ZNF385D: variants seen among roughly 807,000 people sequenced by gnomAD.
ZNF385D encodes the protein zinc finger protein 385D, also known as zinc finger protein 659.
ZNF385D carries 15 observed loss-of-function variants against 35.8 expected under a neutral mutation model. That is an observed-to-expected ratio of 0.42 (90% CI 0.28 to 0.64). The LOEUF (loss-of-function observed/expected upper bound fraction) is 0.64. Ranked by LOEUF, ZNF385D falls within the 30% of genes least tolerant of loss-of-function variation. ZNF385D has a pLI of 0.23. For missense variants in ZNF385D, 474 were observed against 494.6 expected (o/e 0.96, Z 0.39); for synonymous variants, 212 against 186.8 (o/e 1.13, Z -1.10).
At chr3:22,076,429 T>C (rs1484195113) in intron 3 of ZNF385D, among the ~76,000 whole-genome samples, 1 of 151,920 alleles carries the variant, frequency 6.6e-6, no homozygotes, top group Non-Finnish European at 1.5e-5. Context: ...CCCCACATCC[T>C]ATTTTTTAAT....
intron 3 of ZNF385D, among the ~76,000 whole-genome samples, chr3:22,079,770 G>C (rs568975787): frequency 1.0e-3 from 152 of 151,976 alleles, no homozygotes; most frequent in Middle Eastern, 3.4e-3. Flanking sequence ...ATAGCAAATA[G>C]TATATCTAAT....
intron 2 of ZNF385D, among the ~76,000 whole-genome samples, chr3:22,252,505 C>T (rs1417646066): frequency 6.6e-6 from 1 of 151,976 alleles, no homozygotes; most frequent in Non-Finnish European, 1.5e-5. Flanking sequence ...GAGCAGAGTT[C>T]ATGGGAGCAA....
chr3:21,648,089 G>T (rs922721788), intron 2 of ZNF385D, among the ~76,000 whole-genome samples: 1 of 152,102 alleles, frequency 6.6e-6, no homozygotes, highest in Non-Finnish European at 1.5e-5. Flanking sequence ...ATATGGTTTG[G>T]CTGTGTCCCC....
intron 2 of ZNF385D, among the ~76,000 whole-genome samples, chr3:21,576,791 G>C (rs1184451883): frequency 6.6e-6 from 1 of 152,128 alleles, no homozygotes; most frequent in African/African-American, 2.4e-5. Flanking sequence ...TGAGAAAAAA[G>C]AAAGGGAAGA....
At chr3:22,144,726 G>A (rs1407240799) in intron 3 of ZNF385D, among the ~76,000 whole-genome samples, 1 of 151,586 alleles carries the variant, frequency 6.6e-6, no homozygotes, top group African/African-American at 2.4e-5. Context: ...ATTATTATGT[G>A]TACAATTATT....
intron 1 of ZNF385D, among the ~76,000 whole-genome samples, chr3:21,733,795 A>G (rs576339128): frequency 1.3e-5 from 2 of 152,212 alleles, no homozygotes; most frequent in Non-Finnish European, 1.5e-5. Context: ...CACTTTACTT[A>G]TTTGTCTAAA....
chr3:21,738,112 G>T (rs1349827287), intron 1 of ZNF385D, among the ~76,000 whole-genome samples: 1 of 152,236 alleles, frequency 6.6e-6, no homozygotes, highest in African/African-American at 2.4e-5. Context: ...CTGCCAGGGG[G>T]CTGCTTGGCT....
At chr3:22,108,396 A>G (rs1340926464) in intron 3 of ZNF385D, among the ~76,000 whole-genome samples, 2 of 152,046 alleles carry the variant, frequency 1.3e-5, no homozygotes, top group African/African-American at 4.8e-5. Flanking sequence ...CTGTCAAAAC[A>G]CAAAACTTCC....
At chr3:21,715,111 T>G (rs2068263164) in intron 1 of ZNF385D, among the ~76,000 whole-genome samples, 1 of 152,026 alleles carries the variant, frequency 6.6e-6, no homozygotes, top group South Asian at 2.1e-4. Context: ...CTTCTAAAAT[T>G]TATATACATT....
chr3:21,467,220 T>C (rs1703570205), intron 4 of ZNF385D, among the ~76,000 whole-genome samples: 1 of 152,234 alleles, frequency 6.6e-6, no homozygotes, highest in East Asian at 1.9e-4. Flanking sequence ...TGCTTGAACC[T>C]GACTTACTTT....
chr3:21,558,044 T>C (rs1412524825), intron 3 of ZNF385D, among the ~76,000 whole-genome samples: 1 of 152,060 alleles, frequency 6.6e-6, no homozygotes, highest in East Asian at 1.9e-4. Context: ...TTCTCCCTTT[T>C]CTTTATTAGT....
At chr3:21,424,664 TTTC>T (rs1435119144) in intron 6 of ZNF385D, among the ~76,000 whole-genome samples, 2 of 149,034 alleles carry the variant, frequency 1.3e-5, no homozygotes, top group African/African-American at 4.9e-5. Flanking sequence ...TTTCCGAGCT[TTTC>T]TTCTTATCAC....
intron 3 of ZNF385D, among the ~76,000 whole-genome samples, chr3:22,107,423 C>T (rs1286165700): frequency 6.6e-6 from 1 of 151,688 alleles, no homozygotes; most frequent in South Asian, 2.1e-4. Context: ...ATCATTGATA[C>T]ATGGGGAAAA....
chr3:21,704,874 A>T (rs923516845), intron 1 of ZNF385D, among the ~76,000 whole-genome samples: 1 of 152,206 alleles, frequency 6.6e-6, no homozygotes, highest in African/African-American at 2.4e-5. Flanking sequence ...GTAGATACTT[A>T]ATAAGTACTT....
chr3:21,942,105 T>C (rs1216619952), intron 3 of ZNF385D, among the ~76,000 whole-genome samples: 1 of 145,162 alleles, frequency 6.9e-6, no homozygotes, highest in Non-Finnish European at 1.5e-5. Context: ...CAGTAACACT[T>C]TAACTTTATG....
intron 3 of ZNF385D, among the ~76,000 whole-genome samples, chr3:21,784,068 C>G (rs1483706174): frequency 3.3e-5 from 5 of 152,122 alleles, no homozygotes; most frequent in Non-Finnish European, 1.5e-5. Context: ...CAGGTTCTCT[C>G]ACACACGTGC....
chr3:21,512,879 C>G (rs1707312075), intron 3 of ZNF385D, among the ~76,000 whole-genome samples: 1 of 152,130 alleles, frequency 6.6e-6, no homozygotes, highest in Admixed American at 6.6e-5. Context: ...CACAGGATCA[C>G]AGGTCATCTT....
chr3:21,989,623 T>A (rs1335469442), intron 3 of ZNF385D, among the ~76,000 whole-genome samples: 1 of 152,138 alleles, frequency 6.6e-6, no homozygotes, highest in East Asian at 1.9e-4. Flanking sequence ...ATTCTTATCC[T>A]TGGAAACACT....
At chr3:22,243,807 G>A (rs916795776) in intron 2 of ZNF385D, among the ~76,000 whole-genome samples, 1 of 150,734 alleles carries the variant, frequency 6.6e-6, no homozygotes, top group Non-Finnish European at 1.5e-5. Flanking sequence ...GAGGTGAGAG[G>A]AGATGGTCAG....
Sources: allele counts gnomAD v4.1 joint callset (sites outside exome capture counted in the v4.1 genomes callset), GRCh38; gene constraint gnomAD v4.1.1; transcripts MANE v1.5; gene names NCBI Gene and HGNC (gene_info 2026-07-23, HGNC 2026-07-21).